ABCA10: variants seen among roughly 807,000 people sequenced by gnomAD.
ABCA10 encodes the protein ATP binding cassette subfamily A member 10, also known as ATP-binding cassette sub-family A member 10.
ABCA10 carries 169 observed loss-of-function variants against 187.5 expected under a neutral mutation model. The ratio of observed to expected loss-of-function variants is 0.90; its 90% CI spans 0.80 to 1.02. The LOEUF is 1.02. Among genes scored for constraint, ABCA10 ranks in the 50% least tolerant of loss-of-function variants. ABCA10 has a pLI of 0.00. For synonymous variants in ABCA10, 574 were observed against 601.8 expected (o/e 0.95, Z 0.68); for missense variants, 1,727 against 1,812.4 (o/e 0.95, Z 0.86).
chr17:69,150,255 T>G, intron 36 of ABCA10, 192 bp from the exon 37 acceptor site: 1 of 470,610 alleles, frequency 2.1e-6, no homozygotes, highest in East Asian at 3.5e-5. Context: ...TGGTTGCCTC[T>G]AATTTTATGT....
chr17:69,182,353 T>C, intron 21 of ABCA10, 63 bp from the exon 22 acceptor site: 3 of 1,236,162 alleles, frequency 2.4e-6, no homozygotes, highest in Non-Finnish European at 3.2e-6. Context: ...TATTGTATAC[T>C]TTGTATATTA....
chr17:69,205,439 T>C (rs1287923868), intron 9 of ABCA10, among the ~76,000 whole-genome samples: 1 of 152,248 alleles, frequency 6.6e-6, no homozygotes, highest in African/African-American at 2.4e-5. Context: ...TTGTGATGCA[T>C]CAGTGTCATA....
chr17:69,210,210 T>A (rs1256195890), intron 9 of ABCA10, among the ~76,000 whole-genome samples: 1 of 122,194 alleles, frequency 8.2e-6, no homozygotes, highest in Non-Finnish European at 1.6e-5. Flanking sequence ...TGAGACGGAG[T>A]CTCGCTCTGT....
Position 69,203,515 on chromosome 17 carries a change from C to A in ABCA10, c.1007-1847G>T, listed in dbSNP as rs1193779870. Among the ~76,000 whole-genome samples the A allele has an allele frequency of 2.6e-5, 4 of 152,124 alleles. No individual in the cohort carries two copies. In the East Asian group the frequency reaches 7.7e-4, roughly 29 times the overall value. On this transcript the variant is annotated intron_variant, in intron 9 of 38. Transcript: ENST00000690296. ...TTCCCCCAACTTCTACATAATTAACCACCAAATCAAATTTCTATTTCCTAA... is the reference window on the plus strand; with the variant it reads ...TTCCCCCAACTTCTACATAATTAACAACCAAATCAAATTTCTATTTCCTAA...
intron 2 of ABCA10, among the ~76,000 whole-genome samples, chr17:69,225,993 A>G (rs1476210621): frequency 6.6e-6 from 1 of 152,140 alleles, no homozygotes; most frequent in Non-Finnish European, 1.5e-5. Flanking sequence ...ATTCAACAGG[A>G]TAACTAGTTT....
intron 9 of ABCA10, among the ~76,000 whole-genome samples, chr17:69,210,163 G>GTTC (rs1568069436): frequency 4.0e-5 from 5 of 123,854 alleles, no homozygotes; most frequent in African/African-American, 1.7e-4. Context: ...TTATTTAGTG[G>GTTC]TTATTTCTTT....
intron 1 of ABCA10, among the ~76,000 whole-genome samples, chr17:69,239,707 T>C (rs2074892991): frequency 6.6e-6 from 1 of 152,166 alleles, no homozygotes; most frequent in Non-Finnish European, 1.5e-5. Context: ...CCGGCCTCTA[T>C]TAGTCAGGAT....
At chr17:69,176,157 A>T (rs114956368) in intron 22 of ABCA10, among the ~76,000 whole-genome samples, 182 of 152,292 alleles carry the variant, frequency 1.2e-3, no homozygotes, top group African/African-American at 4.2e-3. Flanking sequence ...TACAGTTATC[A>T]TATCTGAAGC....
intron 4 of ABCA10, 134 bp downstream of exon 4, chr17:69,222,399 G>T: frequency 4.0e-6 from 3 of 744,486 alleles, no homozygotes; most frequent in Non-Finnish European, 5.9e-6. Context: ...CTAAGTTAAA[G>T]ACTGATGATT....
chr17:69,224,067 G>A (rs1463382804), intron 3 of ABCA10, among the ~76,000 whole-genome samples: 1 of 152,154 alleles, frequency 6.6e-6, no homozygotes, highest in Non-Finnish European at 1.5e-5. Flanking sequence ...AACAATGCAA[G>A]TAAGGGAGGC....
chr17:69,232,589 A>G (rs2074839183), upstream of ABCA10, among the ~76,000 whole-genome samples: 1 of 152,176 alleles, frequency 6.6e-6, no homozygotes, highest in South Asian at 2.1e-4. Flanking sequence ...CTCTTAGCAA[A>G]TAATTTATTA....
At chr17:69,210,499 A>G (rs1017499536) in intron 9 of ABCA10, among the ~76,000 whole-genome samples, 4 of 151,692 alleles carry the variant, frequency 2.6e-5, no homozygotes, top group African/African-American at 4.8e-5. Flanking sequence ...TTTAGTGGTT[A>G]TTTCTGAGAT....
intron 9 of ABCA10, among the ~76,000 whole-genome samples, chr17:69,210,169 TC>T (rs2074628491): frequency 1.5e-5 from 2 of 137,408 alleles, no homozygotes; most frequent in African/African-American, 3.0e-5. Flanking sequence ...AGTGGTTATT[TC>T]TTTTTTTTTT....
Position 69,149,056 on chromosome 17 carries a change from G to C in ABCA10, c.4510C>G (p.Leu1504Val), listed in dbSNP as rs764004725. The change falls in exon 38 of 39, where the codon CTC becomes GTC. Residue 1504 changes from leucine to valine, a missense_variant. By Grantham distance (32) the Leu-to-Val change is conservative. Transcript: ENST00000690296. ...KQTFNLEEYSLSQATLEQVFL... is the reference protein window; with the variant it reads ...KQTFNLEEYSVSQATLEQVFL... ...ACCTGCTCCAAGGTAGCCTGAGAGA[G>C]GCTGTATTCCTCCAGGTTGAAGGTC... 1 of 1,613,588 alleles carries C rather than the reference G, an allele frequency of 6.2e-7. No homozygotes were observed. The highest frequency in any genetic ancestry group is 8.5e-7 in the Non-Finnish European group (1 of 1,179,838).
intron 1 of ABCA10, among the ~76,000 whole-genome samples, chr17:69,240,559 C>T (rs1342109988): frequency 1.3e-5 from 2 of 152,146 alleles, no homozygotes; most frequent in African/African-American, 2.4e-5. Flanking sequence ...AAGCACTCTT[C>T]GGTTGGTACA....
At chr17:69,221,710 G>A (rs1402725041) in intron 5 of ABCA10, 82 bp downstream of exon 5, 5 of 1,247,256 alleles carry the variant, frequency 4.0e-6, no homozygotes, top group South Asian at 3.1e-5. Flanking sequence ...AAGAGTGTAA[G>A]AGTAAGGTAG....
chr17:69,192,608 G>C lies in ABCA10; in HGVS notation c.1826C>G (p.Ser609Ter). ...LSNGKLKCAG[S>*]SLFLKRKWGI... ...CCACTTTCGCTTCAGAAACAAAGATGATCCTGCACATTTCAACTTCCCATT... is the reference window on the plus strand; with the variant it reads ...CCACTTTCGCTTCAGAAACAAAGATCATCCTGCACATTTCAACTTCCCATT... The change falls in exon 16 of 39, where the codon TCA becomes TGA. Residue 609 changes from serine (S) to a stop codon, truncating the protein, a stop_gained. Transcript: ENST00000690296. LOFTEE classifies it high-confidence loss of function. 1 of 1,613,588 alleles carries C rather than the reference G, an allele frequency of 6.2e-7. No homozygotes were observed. Among genetic ancestry groups the C allele is most frequent in the Non-Finnish European group, 8.5e-7 (1 of 1,179,850 alleles).
At chr17:69,207,703 G>T (rs2074602116) in intron 9 of ABCA10, among the ~76,000 whole-genome samples, 1 of 152,140 alleles carries the variant, frequency 6.6e-6, no homozygotes, top group Non-Finnish European at 1.5e-5. Context: ...AATCTAAAAA[G>T]TGGAACAAAC....
chr17:69,182,992 C>T (rs942888526), intron 20 of ABCA10, among the ~76,000 whole-genome samples, 184 bp from the exon 21 acceptor site: 3 of 152,154 alleles, frequency 2.0e-5, no homozygotes, highest in African/African-American at 7.2e-5. Context: ...GTTCCATTTA[C>T]TATCTTCAAT....
Sources: gnomAD v4.1 joint callset for allele counts (sites outside exome capture counted in the v4.1 genomes callset) on GRCh38, gnomAD v4.1.1 for gene constraint, MANE v1.5 for transcripts, NCBI Gene and HGNC (gene_info 2026-07-23, HGNC 2026-07-21) for gene names.